The following PPP1R9A variants were observed in gnomAD, a reference collection of about 807,000 sequenced individuals.
PPP1R9A encodes neurabin-1.
In PPP1R9A, 59 loss-of-function variants were observed where a neutral mutation model predicts 141.9. That is an observed-to-expected ratio of 0.42 (90% CI 0.34 to 0.52). PPP1R9A has a LOEUF of 0.52. Ranked by LOEUF, PPP1R9A falls within the 20% of genes least tolerant of loss-of-function variation. The pLI, the probability that PPP1R9A is intolerant of heterozygous loss-of-function variation, is 0.10. For synonymous variants in PPP1R9A, 500 were observed against 569.7 expected (o/e 0.88, Z 1.74); for missense variants, 1,444 against 1,611.9 (o/e 0.90, Z 1.78).
chr7:95,240,740 C>T (rs1471108759), intron 8 of PPP1R9A, among the ~76,000 whole-genome samples: 1 of 152,046 alleles, frequency 6.6e-6, no homozygotes, highest in Non-Finnish European at 1.5e-5. Context: ...CATTCTTTCT[C>T]GCTTTTCTTT....
At chr7:95,096,981 A>G (rs1250279479) in intron 2 of PPP1R9A, among the ~76,000 whole-genome samples, 1 of 152,162 alleles carries the variant, frequency 6.6e-6, no homozygotes, top group Non-Finnish European at 1.5e-5. Context: ...CATGGCCCAC[A>G]TCCCTTTATT....
At chr7:95,235,811 G>A (rs1467033015) in intron 8 of PPP1R9A, among the ~76,000 whole-genome samples, 1 of 152,184 alleles carries the variant, frequency 6.6e-6, no homozygotes, top group Admixed American at 6.5e-5. Context: ...ATACTACTCA[G>A]CCATAAAGAG....
Position 95,207,616 on chromosome 7 carries a change from T to G in PPP1R9A, c.1956+3886T>G, listed in dbSNP as rs545643912. 7.2e-5 allele frequency among the ~76,000 whole-genome samples: 11 copies of G among 152,286 alleles called. 1 individual carries two copies. The East Asian group carries it at 2.1e-3, about 29-fold the overall frequency. On this transcript the variant is annotated intron_variant, in intron 7 of 19. Transcript: ENST00000433360. ...TTTAACATTGGAAAATCTGTCACTTTTTATATTTGACATTGTACTGGAAGG... is the reference window on the plus strand; with the variant it reads ...TTTAACATTGGAAAATCTGTCACTTGTTATATTTGACATTGTACTGGAAGG...
intron 2 of PPP1R9A, among the ~76,000 whole-genome samples, chr7:95,070,984 A>T (rs1813740127): frequency 6.6e-6 from 1 of 151,928 alleles, no homozygotes; most frequent in Non-Finnish European, 1.5e-5. Context: ...TTTTTGTGAG[A>T]ATATCAAGGG....
rs573549365 is a variant in PPP1R9A at position 95,241,728 on chromosome 7, T to A, written c.2113-5745T>A. 7.2e-5 allele frequency among the ~76,000 whole-genome samples: 11 copies of A among 152,282 alleles called. No individual in the cohort carries two copies. In the South Asian group the frequency reaches 2.3e-3, roughly 32 times the overall value. On this transcript the variant is annotated intron_variant, in intron 8 of 19. Transcript: ENST00000433360. The stretch of plus-strand genomic sequence containing the variant: ...ATGGAGTCTAAAAGTTGGTTTATTT[T>A]ATTTATTTAATTCTATGAAAAAGAA...
At chr7:95,022,752 A>G (rs940199555) in intron 2 of PPP1R9A, among the ~76,000 whole-genome samples, 1 of 151,940 alleles carries the variant, frequency 6.6e-6, no homozygotes, top group Admixed American at 6.6e-5. Flanking sequence ...GGTTTTTTTC[A>G]TTGGTTCTGT....
chr7:94,946,929 C>A (rs1202364240), intron 2 of PPP1R9A, among the ~76,000 whole-genome samples: 2 of 152,130 alleles, frequency 1.3e-5, no homozygotes, highest in African/African-American at 2.4e-5. Context: ...ATGTGTCCTA[C>A]CTCAGAGAAC....
chr7:94,945,528 C>T lies in PPP1R9A; in HGVS notation c.1395+34020C>T, dbSNP rs191179737. ...GTTTTGTATCAAATTGACATGAAAA[C>T]TGTAGTCACTTCATATTTATGCCCA... is the stretch of plus-strand genomic sequence containing the variant. On this transcript the variant is annotated intron_variant, in intron 2 of 19. Transcript: ENST00000433360. 4.6e-5 allele frequency among the ~76,000 whole-genome samples: 7 copies of T among 152,104 alleles called. No homozygotes were observed. The East Asian group carries it at 1.4e-3, about 29-fold the overall frequency.
In PPP1R9A at chr7:95,161,873, A is replaced by C; in HGVS notation, c.1656A>C (p.Gln552His). 6.2e-7 allele frequency: 1 copy of C among 1,604,958 alleles called. No homozygotes were observed. The highest frequency in any genetic ancestry group is 8.5e-7 in the Non-Finnish European group (1 of 1,175,090). Reference protein sequence around the residue: ...GGAAQRDGRIQVNDQIVEVDG... With the variant: ...GGAAQRDGRIHVNDQIVEVDG... ...TTTTTTCCTCTTTCTAAAGAATACA[A>C]GTCAATGACCAGATTGTGGAAGTGG... The change falls in exon 5 of 20, where the codon CAA becomes CAC. Residue 552 changes from glutamine to histidine, a missense_variant. By Grantham distance (24) the Gln-to-His change is conservative (BLOSUM62 0). This residue lies in a region of PPP1R9A where 488 missense variants were observed against 542.0 expected (regional missense o/e 0.90). Transcript: ENST00000433360.
intron 1 of PPP1R9A, among the ~76,000 whole-genome samples, 187 bp from the exon 2 acceptor site, chr7:94,909,706 CTTTTT>C (rs34862598): frequency 4.7e-5 from 6 of 128,566 alleles, no homozygotes; most frequent in Admixed American, 1.6e-4. Context: ...GTGTTTGGAA[CTTTTT>C]TTTTTTTTTT....
chr7:94,961,189 TA>T (rs142658737), intron 2 of PPP1R9A, among the ~76,000 whole-genome samples: 6 of 151,116 alleles, frequency 4.0e-5, no homozygotes, highest in Admixed American at 6.6e-5. Context: ...GACTGGTTAA[TA>T]AAAAAAACAA....
At chr7:95,211,908 T>C (rs1038971496) in intron 7 of PPP1R9A, among the ~76,000 whole-genome samples, 2 of 152,174 alleles carry the variant, frequency 1.3e-5, no homozygotes, top group African/African-American at 4.8e-5. Context: ...GAAGATCACT[T>C]GAGCCCAGGA....
chr7:95,229,565 T>G (rs1795623663), intron 8 of PPP1R9A, among the ~76,000 whole-genome samples: 1 of 151,664 alleles, frequency 6.6e-6, no homozygotes, highest in South Asian at 2.1e-4. Flanking sequence ...GGAATATAAC[T>G]CCATTGGACT....
chr7:95,129,138 T>A (rs1824109533), intron 4 of PPP1R9A, among the ~76,000 whole-genome samples: 1 of 152,198 alleles, frequency 6.6e-6, no homozygotes, highest in South Asian at 2.1e-4. Flanking sequence ...TTTGTCAATT[T>A]TGTCAAAGAT....
intron 5 of PPP1R9A, among the ~76,000 whole-genome samples, chr7:95,169,183 A>G (rs1831726716): frequency 6.6e-6 from 1 of 152,004 alleles, no homozygotes. Context: ...TGGTATATAT[A>G]CACGGTGAAA....
chr7:95,114,740 G>A (rs1034070929), intron 3 of PPP1R9A, among the ~76,000 whole-genome samples: 10 of 151,904 alleles, frequency 6.6e-5, no homozygotes, highest in African/African-American at 2.4e-4. Context: ...AAAAGAAAAA[G>A]TTTTATCCTT....
At chr7:95,147,277 C>A (rs2152623294) in intron 4 of PPP1R9A, among the ~76,000 whole-genome samples, 1 of 152,272 alleles carries the variant, frequency 6.6e-6, no homozygotes, top group African/African-American at 2.4e-5. Flanking sequence ...GGAGTTCAAT[C>A]ATGATTTGGC....
chr7:95,107,326 C>T (rs1335127994), intron 2 of PPP1R9A, among the ~76,000 whole-genome samples: 5 of 152,070 alleles, frequency 3.3e-5, no homozygotes, highest in African/African-American at 1.2e-4. Context: ...TTTGGTCATA[C>T]TTTCTGCTAA....
At chr7:95,119,997 C>A (rs1822258871) in intron 3 of PPP1R9A, among the ~76,000 whole-genome samples, 1 of 147,510 alleles carries the variant, frequency 6.8e-6, no homozygotes, top group African/African-American at 2.5e-5. Flanking sequence ...CGCTTTGTCA[C>A]CCAGGGTGGA....
Sources: gnomAD v4.1 joint callset for allele counts (sites outside exome capture counted in the v4.1 genomes callset) on GRCh38, gnomAD v4.1.1 for gene constraint, gnomAD v4.1.1 regional missense constraint, MANE v1.5 for transcripts, NCBI Gene and HGNC (gene_info 2026-07-23, HGNC 2026-07-21) for gene names.